PTGES2: variants seen among roughly 807,000 people sequenced by gnomAD.
The protein encoded by PTGES2 is GATE-binding factor 1.
PTGES2 carries 35 observed loss-of-function variants against 44.5 expected under a neutral mutation model. The observed-to-expected ratio is 0.79, with a 90% confidence interval of 0.60 to 1.04. The LOEUF is 1.04. PTGES2 is among the 50% of genes least tolerant of loss of function. PTGES2 has a pLI of 0.00. For synonymous variants in PTGES2, 221 were observed against 227.5 expected, an observed-to-expected ratio of 0.97 and a Z score of 0.26; for missense variants, 517 against 521.4, an observed-to-expected ratio of 0.99 and a Z score of 0.08.
At chr9:128,122,890 G>C in intron 5 of PTGES2, 44 bp downstream of exon 5, 1 of 1,601,320 alleles carries the variant, frequency 6.2e-7, no homozygotes, top group Admixed American at 1.7e-5. Context: ...TCGTGGCACC[G>C]GAGGCTCGGG....
intron 2 of PTGES2, 114 bp downstream of exon 2, chr9:128,125,130 A>T: frequency 1.0e-6 from 1 of 996,966 alleles, no homozygotes; most frequent in Non-Finnish European, 1.5e-6. Flanking sequence ...CATAGTCCTT[A>T]CAGGCACAAG....
chr9:128,122,939 C>T lies in PTGES2; in HGVS notation c.882G>A (p.Lys294=). 6.2e-7 allele frequency: 1 copy of T among 1,614,080 alleles called. No homozygotes were observed. The highest frequency in any genetic ancestry group is 1.1e-5 in the South Asian group (1 of 91,078). Residue 294 remains lysine, a synonymous_variant, in exon 5 of 7, where the codon AAG becomes AAA. Coordinates refer to ENST00000338961, the MANE Select transcript of PTGES2 (RefSeq NM_025072.7). The part of the protein sequence containing the change: ...AAMYLISKRL[K]SRHRLQDNVR... ...GGATGTGCACACACACTTGCCTGCT[C>T]TTGAGTCGCTTGCTGATGAGGTACA... is the stretch of plus-strand genomic sequence containing the variant.
chr9:128,126,823 GCACTC>G (rs1242344085), intron 1 of PTGES2, among the ~76,000 whole-genome samples: 3 of 149,328 alleles, frequency 2.0e-5, no homozygotes, highest in Admixed American at 6.7e-5. Context: ...TCGCGCCACT[GCACTC>G]CAGCCTGGGC....
chr9:128,125,462 A>T, intron 1 of PTGES2, 21 bp from the exon 2 acceptor site: 1 of 1,612,738 alleles, frequency 6.2e-7, no homozygotes, highest in South Asian at 1.1e-5. Context: ...CAGACGGAAA[A>T]GGCTTCTAGA....
chr9:128,126,254 T>C (rs1259874827), intron 1 of PTGES2, among the ~76,000 whole-genome samples: 1 of 152,106 alleles, frequency 6.6e-6, no homozygotes, highest in Non-Finnish European at 1.5e-5. Context: ...GTCCAGCAAA[T>C]AAGCATCTGT....
chr9:128,122,676 G>C, intron 5 of PTGES2, 197 bp from the exon 6 acceptor site: 2 of 633,094 alleles, frequency 3.2e-6, no homozygotes, highest in Non-Finnish European at 5.5e-6. Context: ...CCAGGCCAGG[G>C]AGAAAGCCAC....
At chr9:128,127,771 G>T (rs1472719644), upstream of PTGES2, 3 of 1,237,986 alleles carry the variant, frequency 2.4e-6, no homozygotes, top group Non-Finnish European at 3.0e-6. Flanking sequence ...GCCGAGGCAC[G>T]CGCGGCGTTT....
rs1314106642 is a variant in PTGES2 at position 128,124,890 on chromosome 9, TC to T, written c.478-341del. On this transcript the variant is annotated intron_variant, in intron 2 of 6. Transcript: ENST00000338961. The stretch of plus-strand genomic sequence containing the variant: ...GCCGTCCCTGCAAGCCAGAATATGG[TC>T]CCTTGTTGACTCATGAAGCAAGCAA... 2.4e-6 allele frequency: 3 copies of T among 1,250,426 alleles called. No homozygotes were observed. The Admixed American group carries it at 1.1e-4, about 46-fold the overall frequency. The allele number at this position is 1,250,426 out of a possible 1,614,324, so 77.5% of individuals were successfully genotyped here.
chr9:128,122,624 A>G (rs1297669037), intron 5 of PTGES2, 145 bp from the exon 6 acceptor site: 2 of 697,172 alleles, frequency 2.9e-6, no homozygotes, highest in South Asian at 1.8e-5. Flanking sequence ...CGCCTCAGGG[A>G]GCATCCGTCC....
chr9:128,123,231 G>A lies in PTGES2; in HGVS notation c.687-97C>T, dbSNP rs1588070153. ...ATACCCACTGCACGGGCGGGAAGCT[G>A]AAGCCTGAGCAGGAAGGTCTTTTTT... On this transcript the variant is annotated intron_variant, in intron 4 of 6. Transcript: ENST00000338961. This position sits in a 1 kb window ranked among gnomAD's most constrained non-coding sequence, Gnocchi z 4.4. The A allele has an allele frequency of 8.5e-7, 1 of 1,172,066 alleles. No homozygotes were observed. The allele number at this position is 1,172,066 out of a possible 1,614,324, so 72.6% of individuals were successfully genotyped here.
intron 1 of PTGES2, 64 bp downstream of exon 1, chr9:128,127,375 G>A: frequency 1.6e-6 from 2 of 1,288,812 alleles, no homozygotes; most frequent in East Asian, 3.0e-5. Flanking sequence ...GACCCTGCGG[G>A]TTCCCAGGAG....
Position 128,123,905 on chromosome 9 carries a change from G to T in PTGES2, c.537-54C>A. The T allele has an allele frequency of 6.3e-7, 1 of 1,585,702 alleles. No individual in the cohort carries two copies. On this transcript the variant is annotated intron_variant, in intron 3 of 6. Coordinates refer to ENST00000338961, the MANE Select transcript of PTGES2 (RefSeq NM_025072.7). The surrounding 1 kb of genome is among the most constrained non-coding windows in gnomAD (Gnocchi z 4.4). Reference sequence around the variant, plus strand: ...ACTCCTTCCCCCTCCGTCCCCTGTGGCCGACCAACCCCGCTGCCCCAGCCT... The same window carrying T: ...ACTCCTTCCCCCTCCGTCCCCTGTGTCCGACCAACCCCGCTGCCCCAGCCT...
chr9:128,128,115 C>G (rs943398785), upstream of PTGES2: 18 of 369,392 alleles, frequency 4.9e-5, no homozygotes, highest in Admixed American at 5.7e-4. Context: ...AGAGTCAGTA[C>G]AGGCGCCGCG....
Position 128,122,992 on chromosome 9 carries a change from C to G in PTGES2, c.829G>C (p.Val277Leu). The change falls in exon 5 of 7, where the codon GTG (valine) becomes CTG (leucine). Residue 277 changes from valine (V) to leucine (L), a missense_variant. Physicochemically the swap from Val to Leu is conservative, Grantham distance 32 (BLOSUM62 1). Transcript: ENST00000338961. Reference sequence around the variant, plus strand: ...GCCGCTGCACCCATGTACTTGGCCACGGCACCCTCCACGGCTCCGAACTTG... The same window carrying G: ...GCCGCTGCACCCATGTACTTGGCCAGGGCACCCTCCACGGCTCCGAACTTG... ...EGKFGAVEGAVAKYMGAAAMY... is the reference protein window; with the variant it reads ...EGKFGAVEGALAKYMGAAAMY... The G allele has an allele frequency of 6.2e-7, 1 of 1,614,006 alleles. No individual in the cohort carries two copies. The highest frequency in any genetic ancestry group is 2.2e-5 in the East Asian group (1 of 44,890).
At chr9:128,122,558 G>A (rs1436423516) in intron 5 of PTGES2, 79 bp from the exon 6 acceptor site, 26 of 1,265,588 alleles carry the variant, frequency 2.1e-5, no homozygotes, top group African/African-American at 4.4e-5. Context: ...TCTGGGGAGA[G>A]GGGGGAGGTG....
intron 3 of PTGES2, 172 bp downstream of exon 3, chr9:128,124,320 G>GTGATCTT (rs1834536934): frequency 3.9e-6 from 2 of 513,812 alleles, no homozygotes; most frequent in African/African-American, 3.9e-5. Flanking sequence ...CTGACCTCAG[G>GTGATCTT]TGATCTGCCT....
chr9:128,125,924 G>A (rs1215894122), intron 1 of PTGES2, among the ~76,000 whole-genome samples: 1 of 152,112 alleles, frequency 6.6e-6, no homozygotes, highest in Non-Finnish European at 1.5e-5. Flanking sequence ...TTTTTTCTCT[G>A]GAGACAGGGT....
At chr9:128,125,172 A>C (rs1179869524) in intron 2 of PTGES2, 72 bp downstream of exon 2, 1 of 1,389,134 alleles carries the variant, frequency 7.2e-7, no homozygotes, top group Non-Finnish European at 9.8e-7. Flanking sequence ...CTGCAGAGCC[A>C]GGCCAGGCTA....
chr9:128,123,075 T>A lies in PTGES2; in HGVS notation c.746A>T (p.Asn249Ile), dbSNP rs778990422. 6.2e-7 allele frequency: 1 copy of A among 1,612,214 alleles called. No homozygotes were observed. The highest frequency in any genetic ancestry group is 1.3e-5 in the African/African-American group (1 of 74,718). Residue 249 changes from asparagine to isoleucine, a missense_variant, in exon 5 of 7, where the codon AAT becomes ATT. By Grantham distance (149) the Asn-to-Ile change is moderately radical (BLOSUM62 -3). Transcript: ENST00000338961. The surrounding 1 kb of genome is among the most constrained non-coding windows in gnomAD (Gnocchi z 4.4). ...DDWLVHLISPNVYRTPTEALA... is the reference protein window; with the variant it reads ...DDWLVHLISPIVYRTPTEALA... ...AGCCTCGGTGGGCGTGCGGTACACATTGGGGGAGATCAGGTGCACCAGCCA... is the reference window on the plus strand; with the variant it reads ...AGCCTCGGTGGGCGTGCGGTACACAATGGGGGAGATCAGGTGCACCAGCCA...
Sources: gnomAD v4.1 joint callset for allele counts (sites outside exome capture counted in the v4.1 genomes callset) on GRCh38, gnomAD v4.1.1 for gene constraint, Gnocchi (gnomAD v3.1) non-coding constraint, MANE v1.5 for transcripts, NCBI Gene and HGNC (gene_info 2026-07-23, HGNC 2026-07-21) for gene names.